The following CEP83 variants were observed in gnomAD, a reference collection of about 807,000 sequenced individuals.
The protein encoded by CEP83 is centrosomal protein of 83 kDa.
Under a neutral mutation model 101.9 loss-of-function variants are expected in CEP83, and 70 were observed. That is an observed-to-expected ratio of 0.69 (90% CI 0.57 to 0.84). The LOEUF is 0.84. CEP83 is among the 40% of genes least tolerant of loss of function. The pLI, the probability that CEP83 is intolerant of heterozygous loss-of-function variation, is 0.00. For missense variants in CEP83, 715 were observed against 787.2 expected (o/e 0.91, Z 1.10); for synonymous variants, 264 against 267.9 (o/e 0.99, Z 0.14).
the CEP83 span, among the ~76,000 whole-genome samples, chr12:94,287,989 G>T: frequency 2.0e-5 from 3 of 152,218 alleles, no homozygotes; most frequent in Non-Finnish European, 2.9e-5. Flanking sequence ...CTTCACTGAT[G>T]CCTCAAGGCT....
intron 9 of CEP83, 29 bp from the exon 10 acceptor site, chr12:94,368,230 T>G: frequency 1.9e-6 from 3 of 1,566,912 alleles, no homozygotes. Flanking sequence ...AAAAGTGTAC[T>G]ATATTCAATG....
intron 5 of CEP83, among the ~76,000 whole-genome samples, chr12:94,402,009 T>A (rs192788580): frequency 1.4e-4 from 21 of 152,324 alleles, no homozygotes; most frequent in Admixed American, 1.2e-3. Context: ...ATCATTTGTA[T>A]GTATAAGGCC....
intron 6 of CEP83, among the ~76,000 whole-genome samples, chr12:94,398,197 G>A (rs1294282436): frequency 6.6e-6 from 1 of 152,194 alleles, no homozygotes; most frequent in Non-Finnish European, 1.5e-5. Flanking sequence ...TTTTGTAAAT[G>A]TTATGGCATA....
intron 11 of CEP83, among the ~76,000 whole-genome samples, chr12:94,339,126 G>A (rs964809462): frequency 3.3e-5 from 5 of 151,900 alleles, no homozygotes; most frequent in African/African-American, 7.3e-5. Context: ...CACCACGCCC[G>A]GCTAATTTTT....
chr12:94,417,559 C>G (rs2064376164), intron 2 of CEP83, among the ~76,000 whole-genome samples: 1 of 151,930 alleles, frequency 6.6e-6, no homozygotes, highest in African/African-American at 2.4e-5. Flanking sequence ...GAGGCCGAGG[C>G]AGGTGGATCA....
intron 11 of CEP83, 114 bp from the exon 12 acceptor site, chr12:94,335,778 C>A: frequency 1.4e-6 from 1 of 690,988 alleles, no homozygotes; most frequent in East Asian, 3.0e-5. Flanking sequence ...ACAAACACAA[C>A]CAAAGATTGA....
the CEP83 span, among the ~76,000 whole-genome samples, chr12:94,291,916 G>A: frequency 2.0e-5 from 3 of 152,098 alleles, no homozygotes; most frequent in Admixed American, 6.5e-5. Flanking sequence ...ACCCATCCCC[G>A]CTTTTGGAGT....
intron 14 of CEP83, among the ~76,000 whole-genome samples, chr12:94,320,149 A>G (rs1160869540): frequency 1.3e-5 from 2 of 152,098 alleles, no homozygotes; most frequent in Non-Finnish European, 2.9e-5. Context: ...TTTTGTCTGA[A>G]ACTAGGATTG....
chr12:94,362,449 G>A (rs113693960), intron 11 of CEP83, among the ~76,000 whole-genome samples: 75 of 152,172 alleles, frequency 4.9e-4, no homozygotes, highest in African/African-American at 9.9e-4. Flanking sequence ...GTGAAACCCC[G>A]TCTCTACTAA....
chr12:94,270,276 A>T, the CEP83 span, among the ~76,000 whole-genome samples: 3 of 152,188 alleles, frequency 2.0e-5, no homozygotes, highest in African/African-American at 7.2e-5. Context: ...TATTTTTATA[A>T]AGTTCTATTG....
chr12:94,437,536 C>G (rs534697438), intron 1 of CEP83, among the ~76,000 whole-genome samples: 1 of 152,334 alleles, frequency 6.6e-6, no homozygotes, highest in East Asian at 1.9e-4. Context: ...CAGCAGATTT[C>G]TCAGCAGAAA....
the CEP83 span, chr12:94,297,400 C>T: frequency 9.3e-6 from 15 of 1,613,208 alleles, no homozygotes; most frequent in Non-Finnish European, 1.3e-5. Context: ...AGAAATGTAT[C>T]TGACAAAGCT....
At position 94,360,027 on chromosome 12, in the gene CEP83, C is replaced by T. The variant is rs537135921; in HGVS notation, c.1343+7767G>A. ...TCGTATCAACTGAATGAAGAAAAAA[C>T]GATAATTTCAATACATGCAGAAAAA... On this transcript the variant is annotated intron_variant, in intron 11 of 16. Coordinates refer to ENST00000397809, the MANE Select transcript of CEP83 (RefSeq NM_016122.3). Among the ~76,000 whole-genome samples the T allele has an allele frequency of 2.6e-5, 4 of 152,044 alleles. No homozygotes were observed. The East Asian group carries it at 5.8e-4, about 22-fold the overall frequency.
the CEP83 span, among the ~76,000 whole-genome samples, chr12:94,273,058 A>T: frequency 6.6e-6 from 1 of 152,166 alleles, no homozygotes; most frequent in Non-Finnish European, 1.5e-5. Context: ...ACATGCTTCT[A>T]AATCTCTCTG....
At chr12:94,459,960 A>C (rs368474312), upstream of CEP83, 2 of 152,542 alleles carry the variant, frequency 1.3e-5, no homozygotes, top group African/African-American at 2.4e-5. Flanking sequence ...CCCTTGGCCC[A>C]GCGGCACGCG....
chr12:94,267,194 C>A, the CEP83 span, among the ~76,000 whole-genome samples: 1 of 152,170 alleles, frequency 6.6e-6, no homozygotes, highest in African/African-American at 2.4e-5. Flanking sequence ...AATCCTCCAG[C>A]ATTTCAGTCA....
At chr12:94,348,759 C>T (rs2060063120) in intron 11 of CEP83, among the ~76,000 whole-genome samples, 4 of 152,110 alleles carry the variant, frequency 2.6e-5, no homozygotes, top group Admixed American at 2.0e-4. Flanking sequence ...ACTGCAATGC[C>T]CGCAGCCGGC....
At chr12:94,450,686 A>G (rs1160538650) in intron 1 of CEP83, among the ~76,000 whole-genome samples, 1 of 152,364 alleles carries the variant, frequency 6.6e-6, no homozygotes, top group South Asian at 2.1e-4. Context: ...ACTGAAAAGT[A>G]AAAAACATTA....
chr12:94,316,189 G>A (rs1002318225), intron 14 of CEP83, among the ~76,000 whole-genome samples: 1 of 151,964 alleles, frequency 6.6e-6, no homozygotes, highest in Non-Finnish European at 1.5e-5. Flanking sequence ...TTGTATTTCA[G>A]TGTAGAAGTC....
Sources: allele counts gnomAD v4.1 joint callset (sites outside exome capture counted in the v4.1 genomes callset), GRCh38; gene constraint gnomAD v4.1.1; transcripts MANE v1.5; gene names NCBI Gene and HGNC (gene_info 2026-07-23, HGNC 2026-07-21).